EHMT1: variants seen among roughly 807,000 people sequenced by gnomAD.
EHMT1 encodes histone-lysine N-methyltransferase EHMT1.
EHMT1 carries 15 observed loss-of-function variants against 147.2 expected under a neutral mutation model. The ratio of observed to expected loss-of-function variants is 0.10; its 90% CI spans 0.07 to 0.16. The LOEUF is 0.16. Among genes scored for constraint, EHMT1 ranks in the 10% least tolerant of loss-of-function variants. The probability of loss-of-function intolerance (pLI) is 1.00; values close to 1 mark genes in which losing one functional copy is unlikely to be tolerated. For synonymous variants in EHMT1, 795 were observed against 709.6 expected (o/e 1.12, Z -1.91); for missense variants, 1,587 against 1,772.4 (o/e 0.90, Z 1.88).
At chr9:137,785,238 G>C (rs1453775880) in intron 15 of EHMT1, 1 of 153,610 alleles carries the variant, frequency 6.5e-6, no homozygotes, top group Non-Finnish European at 1.5e-5. Flanking sequence ...ATTCTGTTCT[G>C]TTGCGGATGG....
rs571319200 is a variant in EHMT1 at position 137,736,830 on chromosome 9, G to A, written c.824-6541G>A. 1.6e-4 allele frequency among the ~76,000 whole-genome samples: 24 copies of A among 152,288 alleles called. No individual in the cohort carries two copies. The South Asian group carries it at 5.0e-3, about 32-fold the overall frequency. On this transcript the variant is annotated intron_variant, in intron 4 of 26. Transcript: ENST00000460843. ...TACTTGAACCTGGGAGGTGGAGGTT[G>A]CAGTGAGCCAAGATCATACCACTGC...
At chr9:137,648,566 G>C (rs1182880814) in intron 1 of EHMT1, among the ~76,000 whole-genome samples, 1 of 152,056 alleles carries the variant, frequency 6.6e-6, no homozygotes, top group African/African-American at 2.4e-5. Context: ...GCTGAGGCGG[G>C]AGTGTCATCA....
chr9:137,730,276 A>G (rs1946991471), intron 4 of EHMT1, among the ~76,000 whole-genome samples: 3 of 152,158 alleles, frequency 2.0e-5, no homozygotes, highest in Non-Finnish European at 4.4e-5. Context: ...ATCACATCCC[A>G]CCAGGGTCTT....
Position 137,777,959 on chromosome 9 carries a change from C to G in EHMT1, c.2096C>G (p.Thr699Arg), listed in dbSNP as rs141689686. 6.2e-7 allele frequency: 1 copy of G among 1,613,786 alleles called. No homozygotes were observed. Among genetic ancestry groups the G allele is most frequent in the Non-Finnish European group, 8.5e-7 (1 of 1,180,044 alleles). ...ASHVPEGFDP[T>R]GPAGLGRPTP... ...CACGTGCCCGAGGGCTTTGATCCAACGGGACCTGCTGGGCTTGGGAGGCCA... is the reference window on the plus strand; with the variant it reads ...CACGTGCCCGAGGGCTTTGATCCAAGGGGACCTGCTGGGCTTGGGAGGCCA... Residue 699 changes from threonine (T) to arginine (R), a missense_variant, in exon 13 of 27, where the codon ACG (threonine) becomes AGG (arginine). Transcript: ENST00000460843.
intron 14 of EHMT1, 62 bp downstream of exon 14, chr9:137,779,779 G>T: frequency 6.3e-7 from 1 of 1,579,514 alleles, no homozygotes. Flanking sequence ...AAGAAGCCGA[G>T]AGCAGTTGTT....
At chr9:137,811,642 G>C (rs1327837378) in intron 19 of EHMT1, 27 bp downstream of exon 19, 2 of 1,598,994 alleles carry the variant, frequency 1.3e-6, no homozygotes, top group Non-Finnish European at 1.7e-6. Context: ...CCCCAGCGCG[G>C]GCTGGCGCTG....
chr9:137,721,549 A>T (rs1946045828), intron 3 of EHMT1, among the ~76,000 whole-genome samples: 1 of 95,300 alleles, frequency 1.0e-5, no homozygotes, highest in Non-Finnish European at 2.1e-5. Context: ...CACGCCTCTC[A>T]CCTTCTCCCA....
intron 1 of EHMT1, among the ~76,000 whole-genome samples, chr9:137,642,154 C>A (rs1397234330): frequency 6.6e-6 from 1 of 152,146 alleles, no homozygotes; most frequent in East Asian, 1.9e-4. Flanking sequence ...ATTTTTTAAT[C>A]TATTCCCCCA....
intron 4 of EHMT1, among the ~76,000 whole-genome samples, chr9:137,736,399 T>C (rs759698554): frequency 2.0e-5 from 3 of 152,330 alleles, no homozygotes; most frequent in East Asian, 1.9e-4. Context: ...TATCCACTTA[T>C]CAATAATGGA....
chr9:137,648,457 C>G (rs1336554246), intron 1 of EHMT1, among the ~76,000 whole-genome samples: 1 of 148,982 alleles, frequency 6.7e-6, no homozygotes, highest in Non-Finnish European at 1.5e-5. Flanking sequence ...AAGTTTCAGA[C>G]CAGCCTGGGC....
rs113853726 is a variant in EHMT1 at position 137,757,796 on chromosome 9, G to T, written c.1370-84G>T. The T allele has an allele frequency of 6.9e-5, 111 of 1,602,644 alleles. No individual in the cohort carries two copies. In the African/African-American group the frequency reaches 9.2e-4, roughly 13 times the overall value. ...AATTAGAAGTAGTCCATTTCCTGGGGCCCCAGCCTTGCTGCCCTGTGCGTC... is the reference window on the plus strand; with the variant it reads ...AATTAGAAGTAGTCCATTTCCTGGGTCCCCAGCCTTGCTGCCCTGTGCGTC... On this transcript the variant is annotated intron_variant, in intron 8 of 26. Transcript: ENST00000460843.
intron 21 of EHMT1, 112 bp from the exon 22 acceptor site, chr9:137,814,319 G>A: frequency 1.7e-6 from 2 of 1,183,302 alleles, no homozygotes; most frequent in Non-Finnish European, 2.5e-6. Flanking sequence ...GTGCCTTTGA[G>A]AAGCACTTAC....
rs183620823 is a variant in EHMT1, at chr9:137,761,068, G to A, written c.1502-1607G>A. On this transcript the variant is annotated intron_variant, in intron 9 of 26. Transcript: ENST00000460843. Reference sequence around the variant, plus strand: ...CTTTTAAAGGGTTTCCTTGAGCAGCGATTCATGAACGAGGCAGCTCCAAAC... The same window carrying A: ...CTTTTAAAGGGTTTCCTTGAGCAGCAATTCATGAACGAGGCAGCTCCAAAC... Among the ~76,000 whole-genome samples, 505 of 152,322 alleles carry A rather than the reference G, an allele frequency of 3.3e-3. 6 individuals are homozygous for A. Among genetic ancestry groups the A allele is most frequent in the African/African-American group, 0.011 (472 of 41,566 alleles).
intron 4 of EHMT1, among the ~76,000 whole-genome samples, chr9:137,734,479 AG>A (rs1947366401): frequency 6.6e-6 from 1 of 152,202 alleles, no homozygotes; most frequent in Non-Finnish European, 1.5e-5. Flanking sequence ...AAGTGAGCAG[AG>A]CCTGGGGACC....
chr9:137,768,750 C>T (rs920133003), intron 10 of EHMT1, among the ~76,000 whole-genome samples: 5 of 151,130 alleles, frequency 3.3e-5, no homozygotes, highest in Admixed American at 1.3e-4. Flanking sequence ...GGGGTTTCAC[C>T]GTTTTTAGCC....
chr9:137,697,516 T>G (rs1943489762), intron 1 of EHMT1, among the ~76,000 whole-genome samples: 1 of 152,240 alleles, frequency 6.6e-6, no homozygotes, highest in Non-Finnish European at 1.5e-5. Context: ...GAAGCGGTTT[T>G]AAATTTCTGG....
chr9:137,622,411 C>A (rs1842992081), intron 1 of EHMT1, among the ~76,000 whole-genome samples: 1 of 152,130 alleles, frequency 6.6e-6, no homozygotes, highest in African/African-American at 2.4e-5. Flanking sequence ...TGAGCCACCG[C>A]CCCCGGCCGA....
chr9:137,816,048 A>G lies in EHMT1; in HGVS notation c.3360A>G (p.Val1120=), dbSNP rs1410045037. 5.0e-6 allele frequency: 8 copies of G among 1,612,296 alleles called. No homozygotes were observed. In the Admixed American group the frequency reaches 5.0e-5, roughly 10 times the overall value. The part of the protein sequence containing the change: ...SCWRNCRNRV[V]QNGLRARLQL... ...GGAGGAACTGCCGAAATCGCGTCGTACAGAATGGTCTCAGGTGAGAGGCAG... is the reference window on the plus strand; with the variant it reads ...GGAGGAACTGCCGAAATCGCGTCGTGCAGAATGGTCTCAGGTGAGAGGCAG... The change falls in exon 23 of 27, where the codon GTA becomes GTG. Residue 1120 remains valine (V), a synonymous_variant. Transcript: ENST00000460843.
intron 1 of EHMT1, among the ~76,000 whole-genome samples, chr9:137,689,469 C>T (rs377133380): frequency 4.6e-5 from 7 of 152,146 alleles, no homozygotes; most frequent in Admixed American, 2.0e-4. Flanking sequence ...CTTTGGGAGG[C>T]GGAGGTGGGT....
Sources: allele counts gnomAD v4.1 joint callset (sites outside exome capture counted in the v4.1 genomes callset), GRCh38; gene constraint gnomAD v4.1.1; transcripts MANE v1.5; gene names NCBI Gene and HGNC (gene_info 2026-07-23, HGNC 2026-07-21).